The following GMEB1 variants were observed in gnomAD, a reference collection of about 807,000 sequenced individuals.
GMEB1 encodes the protein glucocorticoid modulatory element-binding protein 1.
A neutral mutation model predicts 52.4 loss-of-function variants in GMEB1; 6 were observed. The ratio of observed to expected loss-of-function variants is 0.11; its 90% CI spans 0.06 to 0.23. The LOEUF (loss-of-function observed/expected upper bound fraction) is 0.23. Among genes scored for constraint, GMEB1 ranks in the 10% least tolerant of loss-of-function variants. The probability of loss-of-function intolerance (pLI) is 1.00; values close to 1 mark genes in which losing one functional copy is unlikely to be tolerated. For missense variants in GMEB1, 486 were observed against 685.6 expected, an observed-to-expected ratio of 0.71 and a Z score of 3.25; for synonymous variants, 255 against 244.9, an observed-to-expected ratio of 1.04 and a Z score of -0.38.
At chr1:28,685,970 A>G (rs1669622237) in intron 2 of GMEB1, among the ~76,000 whole-genome samples, 2 of 152,150 alleles carry the variant, frequency 1.3e-5, no homozygotes, top group African/African-American at 4.8e-5. Flanking sequence ...AAACAAACAA[A>G]CAAAAAGAAA....
chr1:28,704,157 CT>C (rs2124561828), intron 7 of GMEB1, 34 bp from the exon 8 acceptor site: 3 of 1,567,888 alleles, frequency 1.9e-6, no homozygotes, highest in South Asian at 1.2e-5. Context: ...GGTAGTGTCT[CT>C]TTTTTACCCT....
At chr1:28,698,652 G>A (rs1570419193) in intron 6 of GMEB1, among the ~76,000 whole-genome samples, 1 of 146,480 alleles carries the variant, frequency 6.8e-6, no homozygotes, top group South Asian at 2.2e-4. Flanking sequence ...TCCAGCCTGG[G>A]CGACAAAGCG....
chr1:28,668,468 G>C (rs949058963), upstream of GMEB1, among the ~76,000 whole-genome samples: 1 of 152,122 alleles, frequency 6.6e-6, no homozygotes, highest in Non-Finnish European at 1.5e-5. Flanking sequence ...GAGTCCTCCA[G>C]AGGAGTCGAG....
chr1:28,686,143 C>T (rs976314088), intron 2 of GMEB1, among the ~76,000 whole-genome samples: 1 of 151,880 alleles, frequency 6.6e-6, no homozygotes, highest in African/African-American at 2.4e-5. Context: ...GAGTTCAAAA[C>T]CAGCCAGGGC....
chr1:28,688,232 A>G (rs1669782692), intron 2 of GMEB1, among the ~76,000 whole-genome samples: 1 of 152,174 alleles, frequency 6.6e-6, no homozygotes. Flanking sequence ...GCAGTGAGCC[A>G]AGATCGCGCC....
chr1:28,691,852 T>A (rs536257668), intron 4 of GMEB1, 143 bp downstream of exon 4: 16 of 178,188 alleles, frequency 9.0e-5, no homozygotes, highest in African/African-American at 3.9e-4. Context: ...TTATTTATTT[T>A]GTGGCTATTG....
rs530900574 is a variant in GMEB1, at chr1:28,716,750, G to A, written c.*1977G>A. ...GTCAATAATAATGCTTTGGGGGGGG[G>A]GGTTATTTTGTTTTGTTTTGTTTTT... On this transcript the variant is annotated 3_prime_UTR_variant, in exon 10 of 10. Transcript: ENST00000373816. 7 of 149,948 alleles carry A rather than the reference G, an allele frequency of 4.7e-5. No individual in the cohort carries two copies. The highest frequency in any genetic ancestry group is 1.2e-4 in the African/African-American group (5 of 40,920). The allele number at this position is 149,948 out of a possible 1,614,324, so 9.3% of individuals were successfully genotyped here.
intron 1 of GMEB1, among the ~76,000 whole-genome samples, chr1:28,671,180 G>A (rs981731324): frequency 6.6e-6 from 1 of 152,210 alleles, no homozygotes; most frequent in Admixed American, 6.5e-5. Flanking sequence ...GGGATATCAA[G>A]GAGTTTTGGC....
chr1:28,687,152 A>G (rs1426865157), intron 2 of GMEB1, among the ~76,000 whole-genome samples: 1 of 151,728 alleles, frequency 6.6e-6, no homozygotes, highest in Non-Finnish European at 1.5e-5. Flanking sequence ...CCTGAGCCAC[A>G]TAGGAAGACC....
Position 28,679,908 on chromosome 1 carries a change from C to T in GMEB1, c.-30-3675C>T, listed in dbSNP as rs113745769. 2.4e-3 allele frequency among the ~76,000 whole-genome samples: 368 copies of T among 151,870 alleles called. 1 individual carries two copies. The highest frequency in any genetic ancestry group is 3.9e-3 in the Non-Finnish European group (262 of 67,974). ...ACAACCTCTGCCTCCCGGGTTCAAG[C>T]AATTCTCCTGCCTGAGCCTCCCAAG... is the stretch of plus-strand genomic sequence containing the variant. On this transcript the variant is annotated intron_variant, in intron 1 of 9. Transcript: ENST00000373816.
At chr1:28,688,920 C>G (rs1260553716) in intron 2 of GMEB1, among the ~76,000 whole-genome samples, 2 of 108,866 alleles carry the variant, frequency 1.8e-5, no homozygotes, top group Non-Finnish European at 3.7e-5. Context: ...GAGACAGAGT[C>G]TTGCTCCATC....
chr1:28,692,916 CTT>C (rs1670032028), intron 4 of GMEB1, 24 bp from the exon 5 acceptor site: 12 of 1,349,660 alleles, frequency 8.9e-6, no homozygotes, highest in Non-Finnish European at 1.2e-5. Context: ...ACATTAGACT[CTT>C]TGGACTTTTC....
In GMEB1 at chr1:28,718,495, A is replaced by G. The variant is rs1416734577; in HGVS notation, c.*3722A>G. On this transcript the variant is annotated 3_prime_UTR_variant, in exon 10 of 10. Coordinates refer to ENST00000373816, the MANE Select transcript of GMEB1 (RefSeq NM_001319674.2). ...GCACTTGTAGACACAATTACTCAGG[A>G]TGCTGAGGCAAGAGGATTTTGCTTG... is the stretch of plus-strand genomic sequence containing the variant. 6.6e-6 allele frequency: 1 copy of G among 152,214 alleles called. No individual in the cohort carries two copies. The highest frequency in any genetic ancestry group is 2.4e-5 in the African/African-American group (1 of 41,446). 9.4% of individuals were successfully genotyped at this position (152,214 alleles called of 1,614,324 possible).
chr1:28,717,837 G>A lies in GMEB1; in HGVS notation c.*3064G>A, dbSNP rs1195316166. The A allele has an allele frequency of 2.0e-5, 3 of 152,158 alleles. No individual in the cohort carries two copies. Among genetic ancestry groups the A allele is most frequent in the Non-Finnish European group, 2.9e-5 (2 of 68,034 alleles). The allele number at this position is 152,158 out of a possible 1,614,324, so 9.4% of individuals were successfully genotyped here. ...CAGAAGAGCCCTCGTGAATACCAAC[G>A]TGCTAGCTCAGGTTCCCTTCTTTCC... On this transcript the variant is annotated 3_prime_UTR_variant, in exon 10 of 10. Coordinates refer to ENST00000373816, the MANE Select transcript of GMEB1 (RefSeq NM_001319674.2).
chr1:28,705,892 C>A (rs1424019299), intron 8 of GMEB1, among the ~76,000 whole-genome samples: 1 of 151,720 alleles, frequency 6.6e-6, no homozygotes, highest in African/African-American at 2.4e-5. Context: ...CGGTGGCTCA[C>A]GCCTGTAATC....
chr1:28,697,026 A>C lies in GMEB1; in HGVS notation c.540A>C (p.Ala180=), dbSNP rs760711444. The C allele has an allele frequency of 1.2e-6, 2 of 1,613,034 alleles. No individual in the cohort carries two copies. The highest frequency in any genetic ancestry group is 2.7e-5 in the African/African-American group (2 of 74,854). The change falls in exon 6 of 10, where the codon GCA becomes GCC. Residue 180 remains alanine, a synonymous_variant. Coordinates refer to ENST00000373816, the MANE Select transcript of GMEB1 (RefSeq NM_001319674.2). Reference sequence around the variant, plus strand: ...AATTTGATCTTCTGATCAGCAGTGCAAGAGCTCCAGTGCCAGGACAGCAGA... The same window carrying C: ...AATTTGATCTTCTGATCAGCAGTGCCAGAGCTCCAGTGCCAGGACAGCAGA... ...STKFDLLISS[A]RAPVPGQQTS... is the part of the protein sequence containing the mutation.
At position 28,710,659 on chromosome 1, in the gene GMEB1, G is replaced by A. The variant is rs1463761272; in HGVS notation, c.991+17G>A. ...CTCTGACAGGTATGTATAAGTTATC[G>A]CTCTTCTTCGGTGATATCATGCTAA... On this transcript the variant is annotated intron_variant, in intron 9 of 9. Coordinates refer to ENST00000373816, the MANE Select transcript of GMEB1 (RefSeq NM_001319674.2). 1.2e-5 allele frequency: 18 copies of A among 1,509,722 alleles called. No homozygotes were observed. Among genetic ancestry groups the A allele is most frequent in the East Asian group, 2.4e-5 (1 of 41,064 alleles). The allele number at this position is 1,509,722 out of a possible 1,614,324, so 93.5% of individuals were successfully genotyped here.
chr1:28,670,077 A>T (rs539172258), intron 1 of GMEB1, among the ~76,000 whole-genome samples: 1 of 152,206 alleles, frequency 6.6e-6, no homozygotes, highest in African/African-American at 2.4e-5. Flanking sequence ...ACTGTCAGAC[A>T]TAATTCTAGT....
At chr1:28,688,075 G>A (rs1391515141) in intron 2 of GMEB1, among the ~76,000 whole-genome samples, 4 of 152,120 alleles carry the variant, frequency 2.6e-5, no homozygotes, top group Non-Finnish European at 5.9e-5. Flanking sequence ...ACCTGAGGTC[G>A]GGAGTTTGAG....
Sources: allele counts gnomAD v4.1 joint callset (sites outside exome capture counted in the v4.1 genomes callset), GRCh38; gene constraint gnomAD v4.1.1; transcripts MANE v1.5; gene names NCBI Gene and HGNC (gene_info 2026-07-23, HGNC 2026-07-21).